CDC42BPA: variants seen among roughly 807,000 people sequenced by gnomAD.
CDC42BPA encodes the protein CDC42 binding protein kinase alpha, also known as serine/threonine-protein kinase MRCK alpha.
In CDC42BPA, 80 loss-of-function variants were observed where a neutral mutation model predicts 223.5. The observed-to-expected ratio is 0.36, with a 90% confidence interval of 0.30 to 0.43. The LOEUF (loss-of-function observed/expected upper bound fraction) is 0.43, where lower values mean the gene tolerates loss of function less well. CDC42BPA is among the 20% of genes least tolerant of loss of function. CDC42BPA has a pLI of 1.00. For synonymous variants in CDC42BPA, 694 were observed against 718.6 expected, an observed-to-expected ratio of 0.97 and a Z score of 0.55; for missense variants, 1,743 against 2,099.9, an observed-to-expected ratio of 0.83 and a Z score of 3.32.
At chr1:227,276,956 C>G (rs573493279) in intron 1 of CDC42BPA, among the ~76,000 whole-genome samples, 2 of 152,166 alleles carry the variant, frequency 1.3e-5, no homozygotes, top group Admixed American at 6.5e-5. Flanking sequence ...GCAGGGTCCT[C>G]TGCCTAGGAA....
intron 17 of CDC42BPA, among the ~76,000 whole-genome samples, chr1:227,076,034 C>T (rs1332875072): frequency 1.3e-5 from 2 of 152,152 alleles, no homozygotes; most frequent in African/African-American, 4.8e-5. Context: ...ATGTTGAACA[C>T]CTTACAACTG....
chr1:227,190,003 C>T (rs1669453760), intron 5 of CDC42BPA, among the ~76,000 whole-genome samples: 1 of 152,194 alleles, frequency 6.6e-6, no homozygotes, highest in Non-Finnish European at 1.5e-5. Context: ...GATACAAAGT[C>T]TGTGACATTC....
chr1:227,161,282 A>G (rs1663841207), intron 5 of CDC42BPA, among the ~76,000 whole-genome samples: 1 of 152,216 alleles, frequency 6.6e-6, no homozygotes, highest in Non-Finnish European at 1.5e-5. Context: ...TTAGAAAAAT[A>G]ATCATATATA....
chr1:227,095,055 G>C (rs527790760), intron 15 of CDC42BPA, among the ~76,000 whole-genome samples: 4 of 152,314 alleles, frequency 2.6e-5, no homozygotes, highest in African/African-American at 9.6e-5. Context: ...TGCATTGCCT[G>C]ATTTTATTGA....
intron 17 of CDC42BPA, 81 bp from the exon 18 acceptor site, chr1:227,074,445 A>C (rs1679050233): frequency 1.2e-5 from 12 of 992,592 alleles, no homozygotes; most frequent in Non-Finnish European, 1.7e-5. Context: ...CTTCCTAAAG[A>C]AATAAGTGGT....
chr1:227,302,736 C>T (rs935413617), intron 1 of CDC42BPA, among the ~76,000 whole-genome samples: 2 of 151,932 alleles, frequency 1.3e-5, no homozygotes, highest in Non-Finnish European at 1.5e-5. Flanking sequence ...TTTTAGAATT[C>T]CTATCATTCA....
chr1:227,092,127 C>T, intron 15 of CDC42BPA, 136 bp from the exon 16 acceptor site: 4 of 566,650 alleles, frequency 7.1e-6, no homozygotes, highest in Non-Finnish European at 1.2e-5. Context: ...TAGAATACAG[C>T]TTGTTTATAT....
chr1:227,013,407 T>C (rs904951748), intron 34 of CDC42BPA, among the ~76,000 whole-genome samples: 1 of 151,920 alleles, frequency 6.6e-6, no homozygotes, highest in Non-Finnish European at 1.5e-5. Context: ...TTTTTTTTCT[T>C]AAAGTGGTGG....
rs542506401 is a variant in CDC42BPA at position 227,213,087 on chromosome 1, G to C, written c.354+49C>G. On this transcript the variant is annotated intron_variant, in intron 3 of 36. Transcript: ENST00000366766. ...AGCTCTATGGAATTTTATAATTCCTGAAAAATATTTCTAAAATATTTATAT... is the reference window on the plus strand; with the variant it reads ...AGCTCTATGGAATTTTATAATTCCTCAAAAATATTTCTAAAATATTTATAT... 3 of 961,394 alleles carry C rather than the reference G, an allele frequency of 3.1e-6. No individual in the cohort carries two copies. The East Asian group carries it at 8.3e-5, about 27-fold the overall frequency. 59.6% of individuals were successfully genotyped at this position (961,394 alleles called of 1,614,324 possible). A position where few individuals can be genotyped will look rare whatever the true frequency, so the allele number is the denominator to read the frequency against.
chr1:227,047,977 G>A lies in CDC42BPA; in HGVS notation c.3043C>T (p.Pro1015Ser). The change falls in exon 23 of 37, where the codon CCA (proline) becomes TCA (serine). Residue 1015 changes from proline to serine, a missense_variant. By Grantham distance (74) the Pro-to-Ser change is moderately conservative. This residue lies in a region of CDC42BPA where 678 missense variants were observed against 777.5 expected (regional missense o/e 0.87). Transcript: ENST00000366766. ...GGACATCCTTTTTTCCTTAAGGTTG[G>A]TGTGTGAACTGAAAGTGGAGTGGAG... ...VDSTPLSVHT[P>S]TLRKKGCPGS... is the part of the protein sequence containing the mutation. 6.2e-7 allele frequency: 1 copy of A among 1,611,546 alleles called. No homozygotes were observed. The highest frequency in any genetic ancestry group is 2.2e-5 in the East Asian group (1 of 44,754).
chr1:227,175,034 G>C (rs546461981), intron 5 of CDC42BPA, among the ~76,000 whole-genome samples: 1,633 of 151,990 alleles, frequency 0.011, 33 homozygotes, highest in African/African-American at 0.037. Flanking sequence ...TTCTGCCATT[G>C]ATTTATTGCA....
At chr1:227,208,507 T>C (rs1041664161) in intron 3 of CDC42BPA, among the ~76,000 whole-genome samples, 9 of 148,942 alleles carry the variant, frequency 6.0e-5, no homozygotes, top group Non-Finnish European at 1.2e-4. Flanking sequence ...TTTAAGTCTT[T>C]AATCCATCTT....
chr1:227,288,605 A>T (rs1689175385), intron 1 of CDC42BPA, among the ~76,000 whole-genome samples: 4 of 152,034 alleles, frequency 2.6e-5, no homozygotes. Context: ...CTGAGGCAGG[A>T]GAATTGCTTG....
At chr1:227,051,358 G>T (rs1347600770) in intron 22 of CDC42BPA, among the ~76,000 whole-genome samples, 1 of 152,142 alleles carries the variant, frequency 6.6e-6, no homozygotes, top group African/African-American at 2.4e-5. Context: ...TAAAACCATT[G>T]ATTGACATGA....
Position 226,992,188 on chromosome 1 carries a change from CAAT to C in CDC42BPA, c.*2077_*2079del, listed in dbSNP as rs1241875654. ...GACAAGGATCTACCAAGTCATATGA[CAAT>C]GATCCAACTAAAGGGCCAACCCTTG... is the stretch of plus-strand genomic sequence containing the variant. On this transcript the variant is annotated 3_prime_UTR_variant, in exon 37 of 37. Coordinates refer to ENST00000366766, the MANE Select transcript of CDC42BPA (RefSeq NM_001394014.1). The C allele has an allele frequency of 1.3e-5, 2 of 152,118 alleles. No individual in the cohort carries two copies. The highest frequency in any genetic ancestry group is 4.8e-5 in the African/African-American group (2 of 41,406). 9.4% of individuals were successfully genotyped at this position (152,118 alleles called of 1,614,324 possible).
At chr1:227,189,693 T>C (rs1410285594) in intron 5 of CDC42BPA, among the ~76,000 whole-genome samples, 3 of 152,192 alleles carry the variant, frequency 2.0e-5, no homozygotes, top group Non-Finnish European at 4.4e-5. Flanking sequence ...CCATTGCTCT[T>C]GTTAAACCTT....
intron 3 of CDC42BPA, among the ~76,000 whole-genome samples, chr1:227,210,396 C>G (rs553564250): frequency 1.3e-5 from 2 of 152,266 alleles, no homozygotes; most frequent in South Asian, 4.1e-4. Flanking sequence ...ACCTTATTCT[C>G]TCTACCTTTT....
At chr1:227,070,952 G>A (rs1368957669) in intron 20 of CDC42BPA, among the ~76,000 whole-genome samples, 8 of 151,782 alleles carry the variant, frequency 5.3e-5, no homozygotes, top group Admixed American at 3.9e-4. Flanking sequence ...TTAGGGCCAC[G>A]AGTTGTCCAT....
intron 10 of CDC42BPA, among the ~76,000 whole-genome samples, chr1:227,138,588 T>C (rs143027738): frequency 4.1e-5 from 6 of 145,426 alleles, no homozygotes; most frequent in East Asian, 2.0e-4. Context: ...ATATTGCTGA[T>C]AGGTTAAAAG....
Sources: gnomAD v4.1 joint callset for allele counts (sites outside exome capture counted in the v4.1 genomes callset) on GRCh38, gnomAD v4.1.1 for gene constraint, gnomAD v4.1.1 regional missense constraint, MANE v1.5 for transcripts, NCBI Gene and HGNC (gene_info 2026-07-23, HGNC 2026-07-21) for gene names.